ADAMTSL5: variants seen among roughly 807,000 people sequenced by gnomAD.
ADAMTSL5 encodes ADAMTS like 5.
ADAMTSL5 carries 53 observed loss-of-function variants against 51.7 expected under a neutral mutation model. That is an observed-to-expected ratio of 1.03 (90% confidence interval 0.82 to 1.29). The LOEUF is 1.29. ADAMTSL5 is among the 50% of genes most tolerant of loss of function. The pLI is 0.00. For synonymous variants in ADAMTSL5, 285 were observed against 278.7 expected (o/e 1.02, Z -0.23); for missense variants, 770 against 676.2 (o/e 1.14, Z -1.54).
At chr19:1,509,111 C>G (rs1599287543) in intron 5 of ADAMTSL5, 1 of 152,024 alleles carries the variant, frequency 6.6e-6, no homozygotes, top group Non-Finnish European at 1.5e-5. Flanking sequence ...AAAATTTAGC[C>G]AGGCTTGGTG....
At chr19:1,509,724 G>T (rs1465831558) in intron 5 of ADAMTSL5, among the ~76,000 whole-genome samples, 1 of 152,050 alleles carries the variant, frequency 6.6e-6, no homozygotes, top group Non-Finnish European at 1.5e-5. Context: ...TTGATGGATG[G>T]CACTTTGTCC....
rs984196012 is a variant in ADAMTSL5, at chr19:1,506,919, G to T, written c.862C>A (p.Gln288Lys). 5.9e-5 allele frequency: 92 copies of T among 1,547,908 alleles called. No homozygotes were observed. The highest frequency in any genetic ancestry group is 7.7e-5 in the Non-Finnish European group (88 of 1,145,892). The part of the protein sequence containing the change: ...SHDLLLQVLL[Q>K]EPNPGIEFEF... ...AACTCGATGCCAGGGTTGGGCTCCT[G>T]CAGGAGGACCTGGAGCAGGGGAGGG... is the stretch of plus-strand genomic sequence containing the variant. The change falls in exon 10 of 12, where the codon CAG becomes AAG. Residue 288 changes from glutamine (Q) to lysine (K), a missense_variant. Physicochemically the swap from Gln to Lys is moderately conservative, Grantham distance 53. Coordinates refer to ENST00000330475, the MANE Select transcript of ADAMTSL5 (RefSeq NM_213604.3). The surrounding 1 kb of genome is among the most constrained non-coding windows in gnomAD (Gnocchi z 5.6).
At position 1,506,302 on chromosome 19, in the gene ADAMTSL5, C is replaced by G. The variant is rs2145491724; in HGVS notation, c.1129G>C (p.Val377Leu). ...TGGGCCTGGTGGTGGTGGCCCAGCA[C>G]TCGGGCCTGGAACACTGTTGAGGGG... The part of the protein sequence containing the change: ...CGSDFVFQAR[V>L]LGHHHQAQET... The change falls in exon 12 of 12, where the codon GTG becomes CTG. Residue 377 changes from valine (V) to leucine (L), a missense_variant. By Grantham distance (32) the Val-to-Leu change is conservative. Transcript: ENST00000330475. The surrounding 1 kb of genome is among the most constrained non-coding windows in gnomAD (Gnocchi z 5.6). 3.2e-6 allele frequency: 5 copies of G among 1,547,744 alleles called. No homozygotes were observed. The East Asian group carries it at 1.1e-4, about 35-fold the overall frequency.
chr19:1,512,562 C>T (rs1238100416), intron 1 of ADAMTSL5, among the ~76,000 whole-genome samples: 5 of 152,206 alleles, frequency 3.3e-5, no homozygotes, highest in Admixed American at 6.5e-5. Flanking sequence ...CACCTGTAAT[C>T]CCAGCTACTT....
Position 1,506,068 on chromosome 19 carries a change from T to A in ADAMTSL5, c.1363A>T (p.Ser455Cys). The change falls in exon 12 of 12, where the codon AGC (serine) becomes TGC (cysteine). Residue 455 changes from serine to cysteine, a missense_variant. Coordinates refer to ENST00000330475, the MANE Select transcript of ADAMTSL5 (RefSeq NM_213604.3). This position sits in a 1 kb window ranked among gnomAD's most constrained non-coding sequence, Gnocchi z 5.6. Reference protein sequence around the residue: ...LPHAGYARPWSPAEDSRIRLT... With the variant: ...LPHAGYARPWCPAEDSRIRLT... ...CGTATGCGGCTGTCCTCCGCAGGGC[T>A]CCAGGGCCGGGCGTAGCCGGCGTGG... 1.3e-6 allele frequency: 2 copies of A among 1,596,228 alleles called. No individual in the cohort carries two copies. Among genetic ancestry groups the A allele is most frequent in the Admixed American group, 1.7e-5 (1 of 58,530 alleles).
rs1420081654 is a variant in ADAMTSL5, at chr19:1,505,769, G to A, written c.*246C>T. On this transcript the variant is annotated 3_prime_UTR_variant, in exon 12 of 12. Transcript: ENST00000330475. The stretch of plus-strand genomic sequence containing the variant: ...TAGCTATGAGCTTCCTGGCAGCCAA[G>A]GAGAGAGGCGAAATAAAAGTCAGAG... The A allele has an allele frequency of 6.5e-6, 3 of 459,684 alleles. No homozygotes were observed. The highest frequency in any genetic ancestry group is 2.0e-5 in the African/African-American group (1 of 49,090). 28.5% of individuals were successfully genotyped at this position (459,684 alleles called of 1,614,324 possible).
chr19:1,506,234 G>T lies in ADAMTSL5; in HGVS notation c.1197C>A (p.Asn399Lys). 6.3e-7 allele frequency: 1 copy of T among 1,593,294 alleles called. No homozygotes were observed. The highest frequency in any genetic ancestry group is 8.6e-7 in the Non-Finnish European group (1 of 1,168,274). Residue 399 changes from asparagine (N) to lysine (K), a missense_variant, in exon 12 of 12, where the codon AAC becomes AAA. Physicochemically the swap from Asn to Lys is moderately conservative, Grantham distance 94 (BLOSUM62 0). Coordinates refer to ENST00000330475, the MANE Select transcript of ADAMTSL5 (RefSeq NM_213604.3). The surrounding 1 kb of genome is among the most constrained non-coding windows in gnomAD (Gnocchi z 5.6). ...YEVRIQLVYK[N>K]RSPLRAREYV... ...ACTCGCGTGCCCGCAGTGGCGAGCG[G>T]TTCTTGTAGACGAGCTGGATGCGCA...
Position 1,510,223 on chromosome 19 carries a change from T to C in ADAMTSL5, c.288A>G (p.Leu96=). The change falls in exon 5 of 12, where the codon CTA becomes CTG. Residue 96 remains leucine, a synonymous_variant. Transcript: ENST00000330475. Reference sequence around the variant, plus strand: ...GGCGGCCATTGTACAGGGCACACTGTAGGTCTCGGAAGGGCACAGCCCCTG... The same window carrying C: ...GGCGGCCATTGTACAGGGCACACTGCAGGTCTCGGAAGGGCACAGCCCCTG... ...CPPGAVPFRD[L]QCALYNGRPV... 6.2e-7 allele frequency: 1 copy of C among 1,613,312 alleles called. No individual in the cohort carries two copies. The highest frequency in any genetic ancestry group is 8.5e-7 in the Non-Finnish European group (1 of 1,179,892).
chr19:1,508,306 T>A (rs1599286310), intron 6 of ADAMTSL5, 137 bp downstream of exon 6: 1 of 764,380 alleles, frequency 1.3e-6, no homozygotes, highest in African/African-American at 4.0e-5. Flanking sequence ...GGGCAGGGCC[T>A]GGAAGGGGAG....
At position 1,506,605 on chromosome 19, in the gene ADAMTSL5, A is replaced by G; in HGVS notation, c.1099T>C (p.Cys367Arg). The G allele has an allele frequency of 6.2e-7, 1 of 1,612,150 alleles. No individual in the cohort carries two copies. The highest frequency in any genetic ancestry group is 8.5e-7 in the Non-Finnish European group (1 of 1,179,506). Residue 367 changes from cysteine (C) to arginine (R), a missense_variant, in exon 11 of 12, where the codon TGC becomes CGC. Physicochemically the swap from Cys to Arg is radical, Grantham distance 180. Coordinates refer to ENST00000330475, the MANE Select transcript of ADAMTSL5 (RefSeq NM_213604.3). The surrounding 1 kb of genome is among the most constrained non-coding windows in gnomAD (Gnocchi z 5.6). ...GGGGTCTCACCAAAGTCACTGCCGC[A>G]ATAGTGGAGTAGTCGGTGGGCGCGG... ...RGRAHRLLHYCGSDFVFQARV... is the reference protein window; with the variant it reads ...RGRAHRLLHYRGSDFVFQARV...
chr19:1,510,609 G>T, intron 3 of ADAMTSL5, 30 bp downstream of exon 3: 1 of 1,509,786 alleles, frequency 6.6e-7, no homozygotes, highest in Non-Finnish European at 8.9e-7. Context: ...GGGGGAGGAG[G>T]GGCAGGGACC....
intron 2 of ADAMTSL5, 52 bp downstream of exon 2, chr19:1,510,793 G>A (rs188386289): frequency 6.6e-7 from 1 of 1,518,194 alleles, no homozygotes; most frequent in Non-Finnish European, 8.8e-7. Flanking sequence ...CCACACTGCT[G>A]ACTGGGTCCC....
chr19:1,508,529 C>A lies in ADAMTSL5; in HGVS notation c.403G>T (p.Ala135Ser), dbSNP rs373791287. 3.2e-6 allele frequency: 5 copies of A among 1,583,614 alleles called. No homozygotes were observed. Among genetic ancestry groups the A allele is most frequent in the Non-Finnish European group, 3.4e-6 (4 of 1,172,302 alleles). ...ACGCGGCCGAAGCTGTGGTAGAAGG[C>A]GTGCCCCTCAGCCAGGCAGTTGAGG... Reference protein sequence around the residue: ...CDLNCLAEGHAFYHSFGRVLD... With the variant: ...CDLNCLAEGHSFYHSFGRVLD... The change falls in exon 6 of 12, where the codon GCC (alanine) becomes TCC (serine). Residue 135 changes from alanine to serine, a missense_variant. Ala to Ser is a moderately conservative substitution (Grantham distance 99, BLOSUM62 1). Transcript: ENST00000330475.
At position 1,508,557 on chromosome 19, in the gene ADAMTSL5, G is replaced by C; in HGVS notation, c.375C>G (p.Cys125Trp). 6.4e-7 allele frequency: 1 copy of C among 1,563,532 alleles called. No homozygotes were observed. The highest frequency in any genetic ancestry group is 8.6e-7 in the Non-Finnish European group (1 of 1,162,248). The change falls in exon 6 of 12, where the codon TGC (cysteine) becomes TGG (tryptophan). Residue 125 changes from cysteine (C) to tryptophan (W), a missense_variant. Coordinates refer to ENST00000330475, the MANE Select transcript of ADAMTSL5 (RefSeq NM_213604.3). ...GCCCCTCAGCCAGGCAGTTGAGGTC[G>C]CACTGGTTGGGCGCTGAGGGCAGGA... ...WVPFHGAPNQ[C>W]DLNCLAEGHA... is the part of the protein sequence containing the mutation.
chr19:1,510,802 C>T (rs769465221), intron 2 of ADAMTSL5, 43 bp downstream of exon 2: 3 of 1,514,074 alleles, frequency 2.0e-6, no homozygotes, highest in Non-Finnish European at 2.7e-6. Context: ...TGACTGGGTC[C>T]CCATTCCCAC....
chr19:1,510,481 G>A (rs1913202839), intron 3 of ADAMTSL5, 53 bp from the exon 4 acceptor site: 2 of 1,549,742 alleles, frequency 1.3e-6, no homozygotes, highest in Non-Finnish European at 1.7e-6. Flanking sequence ...TCCCAGGGCT[G>A]GCCTTCCACC....
chr19:1,512,512 C>T (rs1156247525), intron 1 of ADAMTSL5, among the ~76,000 whole-genome samples: 2 of 152,340 alleles, frequency 1.3e-5, no homozygotes, highest in South Asian at 4.1e-4. Flanking sequence ...AAAACCCCAT[C>T]TGTACTAAAA....
At position 1,506,161 on chromosome 19, in the gene ADAMTSL5, G is replaced by A. The variant is rs758888773; in HGVS notation, c.1270C>T (p.Arg424Trp). The change falls in exon 12 of 12, where the codon CGG becomes TGG. Residue 424 changes from arginine to tryptophan, a missense_variant. By Grantham distance (101) the Arg-to-Trp change is moderately radical. Transcript: ENST00000330475. This position sits in a 1 kb window ranked among gnomAD's most constrained non-coding sequence, Gnocchi z 5.6. Reference protein sequence around the residue: ...HCPCPMLAPHRDYLMAVQRLV... With the variant: ...HCPCPMLAPHWDYLMAVQRLV... ...CGCTGGACAGCCATCAGGTAGTCCCGGTGGGGTGCCAGCATCGGGCAGGGG... is the reference window on the plus strand; with the variant it reads ...CGCTGGACAGCCATCAGGTAGTCCCAGTGGGGTGCCAGCATCGGGCAGGGG... 2.5e-5 allele frequency: 40 copies of A among 1,608,826 alleles called. No homozygotes were observed. The highest frequency in any genetic ancestry group is 3.4e-5 in the Admixed American group (2 of 59,520).
At chr19:1,512,373 C>G (rs1257121618) in intron 1 of ADAMTSL5, among the ~76,000 whole-genome samples, 1 of 152,156 alleles carries the variant, frequency 6.6e-6, no homozygotes, top group Non-Finnish European at 1.5e-5. Context: ...GAAGTCTGCA[C>G]CAGAAACTTA....
Sources: gnomAD v4.1 joint callset for allele counts (sites outside exome capture counted in the v4.1 genomes callset) on GRCh38, gnomAD v4.1.1 for gene constraint, Gnocchi (gnomAD v3.1) non-coding constraint, MANE v1.5 for transcripts, NCBI Gene and HGNC (gene_info 2026-07-23, HGNC 2026-07-21) for gene names.